The following NCOR2 variants were observed in gnomAD, a reference collection of about 807,000 sequenced individuals.
The protein encoded by NCOR2 is CTG repeat protein 26.
A neutral mutation model predicts 262.9 loss-of-function variants in NCOR2; 81 were observed. That is an observed-to-expected ratio of 0.31 (90% CI 0.26 to 0.37). The LOEUF (loss-of-function observed/expected upper bound fraction) is 0.37. Among genes scored for constraint, NCOR2 ranks in the 10% least tolerant of loss-of-function variants. NCOR2 has a pLI of 1.00. For synonymous variants in NCOR2, 1,659 were observed against 1,559.3 expected (o/e 1.06, Z -1.51); for missense variants, 3,385 against 3,621.4 (o/e 0.93, Z 1.68).
At chr12:124,411,039 G>A (rs76055957) in intron 13 of NCOR2, among the ~76,000 whole-genome samples, 2,418 of 147,286 alleles carry the variant, frequency 0.016, 74 homozygotes, top group African/African-American at 0.055. Context: ...GGAGGGGAGG[G>A]GGCGGGGGAG....
At chr12:124,344,074 T>G (rs992723846) in intron 32 of NCOR2, among the ~76,000 whole-genome samples, 1 of 152,174 alleles carries the variant, frequency 6.6e-6, no homozygotes, top group Non-Finnish European at 1.5e-5. Flanking sequence ...GGCGGGGACA[T>G]GGCAGGCAGA....
exon 47 of NCOR2, chr12:124,325,279 G>T (rs1347013608): frequency 1.8e-6 from 1 of 556,536 alleles, no homozygotes; most frequent in African/African-American, 2.0e-5. Flanking sequence ...GATGGATGGA[G>T]GCGCAGGCGG....
chr12:124,514,934 C>G (rs984040089), intron 1 of NCOR2: 1 of 152,368 alleles, frequency 6.6e-6, no homozygotes, highest in Non-Finnish European at 1.5e-5. Context: ...GCCCCCAAAC[C>G]CTATCCCACC....
At chr12:124,520,774 T>C (rs2050140731) in intron 1 of NCOR2, among the ~76,000 whole-genome samples, 1 of 152,080 alleles carries the variant, frequency 6.6e-6, no homozygotes, top group African/African-American at 2.4e-5. Context: ...ACGCAAGCCT[T>C]CGACGGCGAC....
intron 20 of NCOR2, among the ~76,000 whole-genome samples, chr12:124,371,299 C>T (rs2039490605): frequency 6.6e-6 from 1 of 151,896 alleles, no homozygotes; most frequent in South Asian, 2.1e-4. Context: ...GGCCTTCGCA[C>T]TTGCTGTTCC....
chr12:124,492,309 G>A (rs1338995079), intron 1 of NCOR2, among the ~76,000 whole-genome samples: 2 of 152,222 alleles, frequency 1.3e-5, no homozygotes, highest in African/African-American at 2.4e-5. Context: ...TGCAGGTGGG[G>A]AAACTGAGGC....
chr12:124,382,746 C>T (rs1263114798), intron 17 of NCOR2, among the ~76,000 whole-genome samples: 4 of 152,252 alleles, frequency 2.6e-5, no homozygotes, highest in Non-Finnish European at 4.4e-5. Context: ...ATACAGCAGG[C>T]GCTGAATATG....
chr12:124,405,913 T>C (rs568617250), intron 13 of NCOR2, among the ~76,000 whole-genome samples: 77 of 152,244 alleles, frequency 5.1e-4, no homozygotes, highest in Middle Eastern at 6.8e-3. Flanking sequence ...CTGGGGGCCA[T>C]GGTTCTCAAG....
chr12:124,341,977 C>T lies in NCOR2; in HGVS notation c.5034G>A (p.Ala1678=), dbSNP rs376573640. ...TGATGATGGTCTGCCGGTTCTCCAGCGCCGCCGTGTCGGGGTAGCCGCGGA... is the reference window on the plus strand; with the variant it reads ...TGATGATGGTCTGCCGGTTCTCCAGTGCCGCCGTGTCGGGGTAGCCGCGGA... The change falls in exon 34 of 47, where the codon GCG becomes GCA. Residue 1678 remains alanine, a synonymous_variant. Transcript: ENST00000405201. 48 of 1,613,166 alleles carry T rather than the reference C, an allele frequency of 3.0e-5. No individual in the cohort carries two copies. The highest frequency in any genetic ancestry group is 1.1e-4 in the East Asian group (5 of 44,892).
chr12:124,382,338 G>A (rs548190938), intron 17 of NCOR2, among the ~76,000 whole-genome samples: 5 of 152,252 alleles, frequency 3.3e-5, no homozygotes, highest in South Asian at 2.1e-4. Flanking sequence ...CATCTGCTCC[G>A]CTTTCTCTGC....
At chr12:124,479,394 G>A (rs113650965) in intron 3 of NCOR2, among the ~76,000 whole-genome samples, 6 of 150,798 alleles carry the variant, frequency 4.0e-5, no homozygotes, top group Non-Finnish European at 7.4e-5. Context: ...AACACGCATG[G>A]ACACACGCAC....
chr12:124,412,150 G>A (rs1411539415), intron 13 of NCOR2, among the ~76,000 whole-genome samples: 1 of 152,252 alleles, frequency 6.6e-6, no homozygotes, highest in Admixed American at 6.5e-5. Context: ...ACACAGCGCG[G>A]GTCTGAGTCC....
intron 4 of NCOR2, among the ~76,000 whole-genome samples, chr12:124,472,236 C>T (rs531721991): frequency 1.4e-4 from 21 of 152,306 alleles, no homozygotes; most frequent in Non-Finnish European, 2.5e-4. Context: ...TGTATATTAA[C>T]TCATATTTAA....
At chr12:124,386,462 G>A (rs2040814740) in intron 16 of NCOR2, among the ~76,000 whole-genome samples, 2 of 152,100 alleles carry the variant, frequency 1.3e-5, no homozygotes, top group Admixed American at 1.3e-4. Context: ...CAGGTTAACT[G>A]GGGCACCTCC....
chr12:124,544,656 T>C (rs975722631), intron 1 of NCOR2, among the ~76,000 whole-genome samples: 4 of 151,936 alleles, frequency 2.6e-5, no homozygotes, highest in Non-Finnish European at 5.9e-5. Flanking sequence ...CCAGGGTAGG[T>C]CAGGGATGCA....
chr12:124,551,376 T>C (rs907237143), intron 1 of NCOR2, among the ~76,000 whole-genome samples: 1 of 152,096 alleles, frequency 6.6e-6, no homozygotes, highest in African/African-American at 2.4e-5. Flanking sequence ...GATCCACGTG[T>C]CCACAGACAA....
At chr12:124,563,604 C>A (rs1263536141) in intron 1 of NCOR2, among the ~76,000 whole-genome samples, 1 of 152,266 alleles carries the variant, frequency 6.6e-6, no homozygotes, top group Admixed American at 6.5e-5. Flanking sequence ...AGAACTCTGC[C>A]GCTGCAGCTT....
In NCOR2 at chr12:124,523,528, C is replaced by A. The variant is rs2050301358; in HGVS notation, c.-118+12037G>T. On this transcript the variant is annotated intron_variant, in intron 1 of 46. Coordinates refer to the NCOR2 transcript ENST00000404621. This position sits in a 1 kb window ranked among gnomAD's most constrained non-coding sequence, Gnocchi z 4.0. Reference sequence around the variant, plus strand: ...AGGGTCAGTGGGCTTCACGCGGCCTCCACTGTGCCTTACAACCGGCGTGTC... The same window carrying A: ...AGGGTCAGTGGGCTTCACGCGGCCTACACTGTGCCTTACAACCGGCGTGTC... 6.6e-6 allele frequency among the ~76,000 whole-genome samples: 1 copy of A among 152,064 alleles called. No individual in the cohort carries two copies. Among genetic ancestry groups the A allele is most frequent in the Non-Finnish European group, 1.5e-5 (1 of 68,030 alleles).
rs905454167 is a variant in NCOR2 at position 124,378,530 on chromosome 12, C to T, written c.2020-146G>A. The T allele has an allele frequency of 1.3e-6, 1 of 793,242 alleles. No individual in the cohort carries two copies. Among genetic ancestry groups the T allele is most frequent in the Non-Finnish European group, 1.9e-6 (1 of 517,646 alleles). 49.1% of individuals were successfully genotyped at this position (793,242 alleles called of 1,614,324 possible). The stretch of plus-strand genomic sequence containing the variant: ...GGTGACCGTCCCCCTCACACCCCAC[C>T]TCGGCAGCCAAGCGTGCCAGGGTTT... On this transcript the variant is annotated intron_variant, in intron 17 of 46. Coordinates refer to ENST00000405201, the Ensembl canonical transcript of NCOR2. This position sits in a 1 kb window ranked among gnomAD's most constrained non-coding sequence, Gnocchi z 4.2.
Sources: allele counts gnomAD v4.1 joint callset (sites outside exome capture counted in the v4.1 genomes callset), GRCh38; gene constraint gnomAD v4.1.1; non-coding constraint Gnocchi (gnomAD v3.1); transcripts MANE v1.5; gene names NCBI Gene and HGNC (gene_info 2026-07-23, HGNC 2026-07-21).